BUB1B: variants seen among roughly 807,000 people sequenced by gnomAD.
BUB1B encodes the protein BUB1 mitotic checkpoint serine/threonine kinase B, also known as mitotic checkpoint serine/threonine-protein kinase BUB1 beta.
In BUB1B, 86 loss-of-function variants were observed where a neutral mutation model predicts 137.7. The observed-to-expected ratio is 0.62, with a 90% CI of 0.52 to 0.75. The LOEUF (loss-of-function observed/expected upper bound fraction) is 0.75, where lower values mean the gene tolerates loss of function less well. Among genes scored for constraint, BUB1B ranks in the 30% least tolerant of loss-of-function variants. BUB1B has a pLI of 0.00. For synonymous variants in BUB1B, 420 were observed against 417.9 expected (o/e 1.00, Z -0.06); for missense variants, 1,130 against 1,236.9 (o/e 0.91, Z 1.30).
intron 8 of BUB1B, 90 bp from the exon 9 acceptor site, chr15:40,196,455 C>T: frequency 1.7e-6 from 2 of 1,178,716 alleles, no homozygotes; most frequent in Non-Finnish European, 1.2e-6. Context: ...TTATTGATGG[C>T]CCTTGTAAAT....
At chr15:40,215,552 G>A (rs2037767124) in intron 20 of BUB1B, among the ~76,000 whole-genome samples, 1 of 151,828 alleles carries the variant, frequency 6.6e-6, no homozygotes, top group Non-Finnish European at 1.5e-5. Flanking sequence ...GGCGGATCAC[G>A]AGGTCAGGAG....
chr15:40,179,030 C>G (rs1377883310), intron 5 of BUB1B, among the ~76,000 whole-genome samples: 1 of 152,126 alleles, frequency 6.6e-6, no homozygotes, highest in Non-Finnish European at 1.5e-5. Flanking sequence ...TACCTCGCTC[C>G]TAGGCAACCA....
intron 5 of BUB1B, 32 bp downstream of exon 5, chr15:40,176,705 A>C: frequency 3.8e-6 from 6 of 1,599,486 alleles, no homozygotes; most frequent in Non-Finnish European, 5.1e-6. Context: ...TCTTAACTCT[A>C]AAAATAATAG....
rs771751625 is a variant in BUB1B at position 40,176,515 on chromosome 15, C to T, written c.423C>T (p.Tyr141=). 2.1e-5 allele frequency: 34 copies of T among 1,613,998 alleles called. No homozygotes were observed. In the South Asian group the frequency reaches 3.1e-4, roughly 15 times the overall value. ...ATGAGCCTTTGGATATGTACAGTTACTTGCACAACCAAGGGATTGGTGTTT... is the reference window on the plus strand; with the variant it reads ...ATGAGCCTTTGGATATGTACAGTTATTTGCACAACCAAGGGATTGGTGTTT... ...LCNEPLDMYS[Y]LHNQGIGVSL... Residue 141 remains tyrosine, a synonymous_variant, in exon 5 of 23, where the codon TAC becomes TAT. Coordinates refer to ENST00000287598, the MANE Select transcript of BUB1B (RefSeq NM_001211.6).
Position 40,190,438 on chromosome 15 carries a change from C to T in BUB1B, c.1058+4796C>T, listed in dbSNP as rs554620262. Among the ~76,000 whole-genome samples the T allele has an allele frequency of 1.8e-3, 276 of 151,850 alleles. 1 individual carries two copies. Among genetic ancestry groups the T allele is most frequent in the African/African-American group, 6.4e-3 (263 of 41,408 alleles). On this transcript the variant is annotated intron_variant, in intron 8 of 22. Coordinates refer to ENST00000287598, the MANE Select transcript of BUB1B (RefSeq NM_001211.6). The stretch of plus-strand genomic sequence containing the variant: ...ACCAGCCTGAGCAATATAGTGAGAC[C>T]CCATCTCTACTAAAAATAAAAATAC...
chr15:40,188,950 C>T (rs1431303804), intron 8 of BUB1B, among the ~76,000 whole-genome samples: 1 of 151,538 alleles, frequency 6.6e-6, no homozygotes, highest in Non-Finnish European at 1.5e-5. Flanking sequence ...TTAGTATGTT[C>T]ACAGAGTTGT....
chr15:40,219,716 T>TC (rs558217368), intron 22 of BUB1B, among the ~76,000 whole-genome samples: 922 of 79,434 alleles, frequency 0.012, 7 homozygotes, highest in African/African-American at 0.048. Context: ...TGAGACTCCG[T>TC]CTCAAAAAAA....
rs71132149 is a variant in BUB1B at position 40,180,642 on chromosome 15, CTTTTTTTTTTTTTTT to C, written c.582-3061_582-3047del. 5.6e-3 allele frequency among the ~76,000 whole-genome samples: 370 copies of C among 65,900 alleles called. 9 individuals carry two copies. The Admixed American group carries it at 0.064, about 11-fold the overall frequency. 43.2% of individuals were successfully genotyped at this position (65,900 alleles called of 152,430 possible). A position where few individuals can be genotyped will look rare whatever the true frequency, so the allele number is the denominator to read the frequency against. ...CCTCCTTGGTTTCTTTTTTCTTTTT[CTTTTTTTTTTTTTTT>C]TTTTTTTTTTGAGACGGAGTCTCGC... On this transcript the variant is annotated intron_variant, in intron 5 of 22. Coordinates refer to ENST00000287598, the MANE Select transcript of BUB1B (RefSeq NM_001211.6).
At chr15:40,206,062 C>T (rs2037632472) in intron 14 of BUB1B, 122 bp from the exon 15 acceptor site, 2 of 994,204 alleles carry the variant, frequency 2.0e-6, no homozygotes, top group African/African-American at 3.3e-5. Flanking sequence ...TTTATATTTG[C>T]CTAGATATTC....
intron 19 of BUB1B, 53 bp from the exon 20 acceptor site, chr15:40,213,279 C>A: frequency 6.2e-7 from 1 of 1,600,810 alleles, no homozygotes; most frequent in Non-Finnish European, 8.5e-7. Context: ...TTGAGTATAA[C>A]TACGATCTGC....
At chr15:40,196,835 C>A in intron 9 of BUB1B, 61 bp downstream of exon 9, 1 of 1,464,264 alleles carries the variant, frequency 6.8e-7, no homozygotes. Context: ...TTGAGCTGAC[C>A]TATTAAGTCT....
chr15:40,197,078 C>T (rs2037507905), intron 9 of BUB1B, among the ~76,000 whole-genome samples: 1 of 152,072 alleles, frequency 6.6e-6, no homozygotes, highest in African/African-American at 2.4e-5. Flanking sequence ...TTATATTCCC[C>T]AATACAATAA....
chr15:40,210,660 C>T (rs1566827815), intron 18 of BUB1B, among the ~76,000 whole-genome samples: 1 of 152,116 alleles, frequency 6.6e-6, no homozygotes, highest in Non-Finnish European at 1.5e-5. Flanking sequence ...TAGGTGCACG[C>T]CACCACTCCC....
intron 4 of BUB1B, among the ~76,000 whole-genome samples, chr15:40,172,466 CT>C (rs570384400): frequency 1.2e-4 from 18 of 151,196 alleles, no homozygotes; most frequent in African/African-American, 2.9e-4. Flanking sequence ...TGTATTATAT[CT>C]TTTTTTTTAC....
chr15:40,214,543 T>C (rs1355157406), intron 20 of BUB1B, among the ~76,000 whole-genome samples: 1 of 152,226 alleles, frequency 6.6e-6, no homozygotes, highest in Admixed American at 6.5e-5. Context: ...TATACACTAA[T>C]AGCTGGACTT....
At chr15:40,219,911 T>C (rs1398159274) in intron 22 of BUB1B, among the ~76,000 whole-genome samples, 2 of 152,194 alleles carry the variant, frequency 1.3e-5, no homozygotes. Context: ...TGGCCAGTGT[T>C]GTCTCTTACA....
intron 14 of BUB1B, among the ~76,000 whole-genome samples, 169 bp from the exon 15 acceptor site, chr15:40,206,015 G>A (rs1170872080): frequency 1.3e-5 from 2 of 152,160 alleles, no homozygotes; most frequent in Non-Finnish European, 1.5e-5. Context: ...TTTTTTGGAT[G>A]AAGTATAGTT....
At position 40,171,367 on chromosome 15, in the gene BUB1B, G is replaced by GGT. The variant is rs2037160702; in HGVS notation, c.384+688_384+689dup. Among the ~76,000 whole-genome samples, 5 of 152,152 alleles carry GGT rather than the reference G, an allele frequency of 3.3e-5. No homozygotes were observed. The South Asian group carries it at 8.3e-4, about 25-fold the overall frequency. ...GTTCAAGACTAGTCAGGGCAAAATT[G>GGT]GTGAGACCCCATCTCATAAAGTACA... On this transcript the variant is annotated intron_variant, in intron 4 of 22. Coordinates refer to ENST00000287598, the MANE Select transcript of BUB1B (RefSeq NM_001211.6).
chr15:40,180,321 G>A (rs1383617139), intron 5 of BUB1B, among the ~76,000 whole-genome samples: 2 of 137,092 alleles, frequency 1.5e-5, no homozygotes, highest in East Asian at 2.3e-4. Context: ...TGGATGGCAC[G>A]ATTTCAGCTC....
Sources: gnomAD v4.1 joint callset for allele counts (sites outside exome capture counted in the v4.1 genomes callset) on GRCh38, gnomAD v4.1.1 for gene constraint, MANE v1.5 for transcripts, NCBI Gene and HGNC (gene_info 2026-07-23, HGNC 2026-07-21) for gene names.